Variants in SCAF1 observed in about 807,000 individuals in gnomAD.
SCAF1 encodes the protein SR-related CTD associated factor 1.
A neutral mutation model predicts 91.2 loss-of-function variants in SCAF1; 28 were observed. The observed-to-expected ratio is 0.31, with a 90% CI of 0.23 to 0.42. The LOEUF is 0.42. Ranked by LOEUF, SCAF1 falls within the 10% of genes least tolerant of loss-of-function variation. The pLI is 1.00. For synonymous variants in SCAF1, 1,036 were observed against 833.7 expected (o/e 1.24, Z -4.18); for missense variants, 1,893 against 1,872.1 (o/e 1.01, Z -0.21).
At chr19:49,643,943 G>A (rs912265137) in intron 1 of SCAF1, among the ~76,000 whole-genome samples, 1 of 152,172 alleles carries the variant, frequency 6.6e-6, no homozygotes, top group African/African-American at 2.4e-5. Context: ...CAGGCATGCT[G>A]TGGGGGAAGC....
In SCAF1 at chr19:49,646,396, G is replaced by T; in HGVS notation, c.262-130G>T. Reference sequence around the variant, plus strand: ...GAGTGTTGATGGCAGTCAGGCTATAGGAATTAGATCCTCAGTTTTCTTGGG... The same window carrying T: ...GAGTGTTGATGGCAGTCAGGCTATATGAATTAGATCCTCAGTTTTCTTGGG... On this transcript the variant is annotated intron_variant, in intron 4 of 10. Coordinates refer to ENST00000360565, the MANE Select transcript of SCAF1 (RefSeq NM_021228.3). This position sits in a 1 kb window ranked among gnomAD's most constrained non-coding sequence, Gnocchi z 5.6. 1 of 909,444 alleles carries T rather than the reference G, an allele frequency of 1.1e-6. No homozygotes were observed. The highest frequency in any genetic ancestry group is 1.7e-6 in the Non-Finnish European group (1 of 577,376). The allele number at this position is 909,444 out of a possible 1,614,324, so 56.3% of individuals were successfully genotyped here.
chr19:49,653,497 G>A lies in SCAF1; in HGVS notation c.3108G>A (p.Glu1036=), dbSNP rs1300173572. Residue 1036 remains glutamate (E), a synonymous_variant, in exon 7 of 11, where the codon GAG becomes GAA. Transcript: ENST00000360565. Reference sequence around the variant, plus strand: ...AAGAAGAGGAGGAGGAAGAGGAAGAGGAGGAGGAGCAGCAGCCTGCTACCA... The same window carrying A: ...AAGAAGAGGAGGAGGAAGAGGAAGAAGAGGAGGAGCAGCAGCCTGCTACCA... The part of the protein sequence containing the change: ...EEEEEEEEEE[E]EEEQQPATTT... The A allele has an allele frequency of 6.4e-7, 1 of 1,564,284 alleles. No individual in the cohort carries two copies. Among genetic ancestry groups the A allele is most frequent in the African/African-American group, 1.3e-5 (1 of 74,294 alleles).
rs2081127237 is a variant in SCAF1, at chr19:49,654,671, C to T, written c.3419C>T (p.Pro1140Leu). The T allele has an allele frequency of 1.9e-6, 3 of 1,612,880 alleles. No individual in the cohort carries two copies. The highest frequency in any genetic ancestry group is 1.7e-5 in the Admixed American group (1 of 59,888). The change falls in exon 9 of 11, where the codon CCA becomes CTA. Residue 1140 changes from proline to leucine, a missense_variant. Transcript: ENST00000360565. Reference protein sequence around the residue: ...ATNQILSHRKPPSSLGMTPAP... With the variant: ...ATNQILSHRKLPSSLGMTPAP... ...CCACAGATCCTCAGCCACAGAAAGCCACCCTCAAGTCTGGGGATGACCCCA... is the reference window on the plus strand; with the variant it reads ...CCACAGATCCTCAGCCACAGAAAGCTACCCTCAAGTCTGGGGATGACCCCA...
rs752652864 is a variant in SCAF1 at position 49,652,528 on chromosome 19, C to T, written c.2139C>T (p.Ser713=). Residue 713 remains serine (S), a synonymous_variant, in exon 7 of 11, where the codon TCC becomes TCT. Transcript: ENST00000360565. Reference sequence around the variant, plus strand: ...TCACGGTGGGCCGGCTTGACAAGTCCGACCCCCGAGGACCCTCTCCTGCTC... The same window carrying T: ...TCACGGTGGGCCGGCTTGACAAGTCTGACCCCCGAGGACCCTCTCCTGCTC... The part of the protein sequence containing the change: ...RTITVGRLDK[S]DPRGPSPAPA... 15 of 1,570,850 alleles carry T rather than the reference C, an allele frequency of 9.5e-6. No homozygotes were observed. The Middle Eastern group carries it at 5.1e-4, about 53-fold the overall frequency.
Position 49,658,431 on chromosome 19 carries a change from T to C in SCAF1, c.*32T>C. On this transcript the variant is annotated 3_prime_UTR_variant, in exon 11 of 11. Coordinates refer to ENST00000360565, the MANE Select transcript of SCAF1 (RefSeq NM_021228.3). Reference sequence around the variant, plus strand: ...TGGCCAGCTCTTCGCCCCTCACCTCTTTGAAACTCTGGACGTATTTATGGC... The same window carrying C: ...TGGCCAGCTCTTCGCCCCTCACCTCCTTGAAACTCTGGACGTATTTATGGC... The C allele has an allele frequency of 7.7e-7, 1 of 1,294,962 alleles. No individual in the cohort carries two copies. The highest frequency in any genetic ancestry group is 1.3e-5 in the South Asian group (1 of 76,698). The allele number at this position is 1,294,962 out of a possible 1,614,324, so 80.2% of individuals were successfully genotyped here.
Position 49,654,686 on chromosome 19 carries a change from G to C in SCAF1, c.3434G>C (p.Gly1145Ala), listed in dbSNP as rs2081127360. 1.2e-6 allele frequency: 2 copies of C among 1,613,802 alleles called. No individual in the cohort carries two copies. The highest frequency in any genetic ancestry group is 1.7e-6 in the Non-Finnish European group (2 of 1,179,860). ...LSHRKPPSSL[G>A]MTPAPVPTSL... ...CACAGAAAGCCACCCTCAAGTCTGG[G>C]GATGACCCCAGCTCCTGTGCCCACC... The change falls in exon 9 of 11, where the codon GGG becomes GCG. Residue 1145 changes from glycine (G) to alanine (A), a missense_variant. Coordinates refer to ENST00000360565, the MANE Select transcript of SCAF1 (RefSeq NM_021228.3).
chr19:49,645,196 C>T lies in SCAF1; in HGVS notation c.108+62C>T. On this transcript the variant is annotated intron_variant, in intron 2 of 10. Coordinates refer to ENST00000360565, the MANE Select transcript of SCAF1 (RefSeq NM_021228.3). The surrounding 1 kb of genome is among the most constrained non-coding windows in gnomAD (Gnocchi z 4.6). ...GAGCTGGGCATCCACACTCCAGGGGCCTGACTCCAGGGCCTGAGGCAGGGG... is the reference window on the plus strand; with the variant it reads ...GAGCTGGGCATCCACACTCCAGGGGTCTGACTCCAGGGCCTGAGGCAGGGG... 1 of 1,542,634 alleles carries T rather than the reference C, an allele frequency of 6.5e-7. No individual in the cohort carries two copies. Among genetic ancestry groups the T allele is most frequent in the Non-Finnish European group, 8.9e-7 (1 of 1,117,986 alleles).
chr19:49,650,813 G>A (rs2081080559), intron 6 of SCAF1, 55 bp from the exon 7 acceptor site: 2 of 1,420,770 alleles, frequency 1.4e-6, no homozygotes, highest in East Asian at 2.3e-5. Flanking sequence ...CAGCAAGCAG[G>A]CACCAGGAGG....
rs1329613656 is a variant in SCAF1 at position 49,653,024 on chromosome 19, C to T, written c.2635C>T (p.Pro879Ser). The T allele has an allele frequency of 6.2e-7, 1 of 1,614,000 alleles. No homozygotes were observed. Among genetic ancestry groups the T allele is most frequent in the South Asian group, 1.1e-5 (1 of 91,072 alleles). Residue 879 changes from proline to serine, a missense_variant, in exon 7 of 11, where the codon CCT becomes TCT. This residue lies in a region of SCAF1 where 1,436 missense variants were observed against 1,306.8 expected (regional missense o/e 1.10). Transcript: ENST00000360565. Reference protein sequence around the residue: ...DRESRSPFLKPDERAPTEMAK... With the variant: ...DRESRSPFLKSDERAPTEMAK... ...CGAGAGTCGCTCCCCCTTCCTCAAA[C>T]CTGACGAGCGGGCCCCCACTGAGAT... is the stretch of plus-strand genomic sequence containing the variant.
At chr19:49,643,790 G>A (rs1054921274) in intron 1 of SCAF1, among the ~76,000 whole-genome samples, 10 of 152,216 alleles carry the variant, frequency 6.6e-5, no homozygotes, top group African/African-American at 2.2e-4. Context: ...ATTGGTGAAA[G>A]AGGCTGGGAT....
Position 49,653,645 on chromosome 19 carries a change from C to A in SCAF1, c.3256C>A (p.Pro1086Thr). The A allele has an allele frequency of 6.3e-7, 1 of 1,587,042 alleles. No individual in the cohort carries two copies. The highest frequency in any genetic ancestry group is 2.3e-5 in the East Asian group (1 of 44,076). The change falls in exon 7 of 11, where the codon CCG becomes ACG. Residue 1086 changes from proline (P) to threonine (T), a missense_variant. Pro to Thr is a conservative substitution (Grantham distance 38). This residue lies in a region of SCAF1 where 1,436 missense variants were observed against 1,306.8 expected (regional missense o/e 1.10). Transcript: ENST00000360565. The stretch of plus-strand genomic sequence containing the variant: ...TGTCTCCCAGCTGCCCACGTTGCCC[C>A]CGCCCATGCCCTGGAATCTGCCAGC... ...SRVSQLPTLPPPMPWNLPAGV... is the reference protein window; with the variant it reads ...SRVSQLPTLPTPMPWNLPAGV...
rs1333604740 is a variant in SCAF1, at chr19:49,658,363, C to G, written c.3903C>G (p.Asp1301Glu). Residue 1301 changes from aspartate (D) to glutamate (E), a missense_variant, in exon 11 of 11, where the codon GAC (aspartate) becomes GAG (glutamate). This residue lies in a region of SCAF1 where 51 missense variants were observed against 49.9 expected (regional missense o/e 1.02). Transcript: ENST00000360565. Reference sequence around the variant, plus strand: ...CGCCCAAGGAGCCAGGGCCCCCAGACAAGGGTGGCCCGGGCCTGCCCCTGC... The same window carrying G: ...CGCCCAAGGAGCCAGGGCCCCCAGAGAAGGGTGGCCCGGGCCTGCCCCTGC... ...PRPPKEPGPP[D>E]KGGPGLPLPP... is the part of the protein sequence containing the mutation. The G allele has an allele frequency of 6.4e-7, 1 of 1,559,344 alleles. No homozygotes were observed. The highest frequency in any genetic ancestry group is 2.4e-5 in the East Asian group (1 of 41,524).
chr19:49,657,423 A>C (rs1385235433), intron 9 of SCAF1, among the ~76,000 whole-genome samples: 1 of 152,256 alleles, frequency 6.6e-6, no homozygotes, highest in Non-Finnish European at 1.5e-5. Context: ...GTCTGATTCA[A>C]AACCAGCTGC....
chr19:49,653,285 G>A lies in SCAF1; in HGVS notation c.2896G>A (p.Gly966Arg), dbSNP rs748650448. ...GGGGGCGGAGGAGACTTCCTGGTCC[G>A]GGGAGGAGCGGGCAGCCAAGGTTCC... Reference protein sequence around the residue: ...TKGAEETSWSGEERAAKVPST... With the variant: ...TKGAEETSWSREERAAKVPST... Residue 966 changes from glycine (G) to arginine (R), a missense_variant, in exon 7 of 11, where the codon GGG (glycine) becomes AGG (arginine). Transcript: ENST00000360565. The A allele has an allele frequency of 8.2e-6, 12 of 1,470,790 alleles. No individual in the cohort carries two copies. The highest frequency in any genetic ancestry group is 2.6e-5 in the Admixed American group (1 of 38,440). The allele number at this position is 1,470,790 out of a possible 1,614,324, so 91.1% of individuals were successfully genotyped here. A position where few individuals can be genotyped will look rare whatever the true frequency, so the allele number is the denominator to read the frequency against.
chr19:49,656,668 C>T (rs528889576), intron 9 of SCAF1, among the ~76,000 whole-genome samples: 13 of 152,320 alleles, frequency 8.5e-5, no homozygotes, highest in African/African-American at 2.4e-4. Flanking sequence ...TGGCCACAGG[C>T]GGGAAGAGCC....
chr19:49,656,618 T>G (rs1317798171), intron 9 of SCAF1, among the ~76,000 whole-genome samples: 4 of 152,188 alleles, frequency 2.6e-5, no homozygotes, highest in Non-Finnish European at 5.9e-5. Flanking sequence ...GGGCTGCAGC[T>G]GCTGCCCCGA....
Position 49,658,462 on chromosome 19 carries a change from C to G in SCAF1, c.*63C>G. ...ACTCTGGACGTATTTATGGCTCCAC[C>G]TCCCCACCTCCCTCCCCCGTCAGTG... On this transcript the variant is annotated 3_prime_UTR_variant, in exon 11 of 11. Coordinates refer to ENST00000360565, the MANE Select transcript of SCAF1 (RefSeq NM_021228.3). 2 of 851,730 alleles carry G rather than the reference C, an allele frequency of 2.3e-6. No individual in the cohort carries two copies. The highest frequency in any genetic ancestry group is 3.6e-6 in the Non-Finnish European group (2 of 554,748). 52.8% of individuals were successfully genotyped at this position (851,730 alleles called of 1,614,324 possible).
At chr19:49,641,939 C>A (rs1373989180), upstream of SCAF1, among the ~76,000 whole-genome samples, 2 of 152,244 alleles carry the variant, frequency 1.3e-5, no homozygotes, top group African/African-American at 4.8e-5. Context: ...GGCGTCATCG[C>A]GGGCTACCGC....
In SCAF1 at chr19:49,651,165, G is replaced by C. The variant is rs746542137; in HGVS notation, c.776G>C (p.Ser259Thr). 6.2e-7 allele frequency: 1 copy of C among 1,612,904 alleles called. No individual in the cohort carries two copies. The highest frequency in any genetic ancestry group is 8.5e-7 in the Non-Finnish European group (1 of 1,179,790). Residue 259 changes from serine to threonine, a missense_variant, in exon 7 of 11, where the codon AGC (serine) becomes ACC (threonine). This residue lies in a region of SCAF1 where 80 missense variants were observed against 116.6 expected (regional missense o/e 0.69). Coordinates refer to ENST00000360565, the MANE Select transcript of SCAF1 (RefSeq NM_021228.3). Reference protein sequence around the residue: ...DPFEPTGSNPSSSAGTPSPEE... With the variant: ...DPFEPTGSNPTSSAGTPSPEE... Reference sequence around the variant, plus strand: ...TTTGAGCCCACCGGCTCCAACCCCAGCTCATCAGCGGGGACCCCCTCACCT... The same window carrying C: ...TTTGAGCCCACCGGCTCCAACCCCACCTCATCAGCGGGGACCCCCTCACCT...
Sources: gnomAD v4.1 joint callset for allele counts (sites outside exome capture counted in the v4.1 genomes callset) on GRCh38, gnomAD v4.1.1 for gene constraint, gnomAD v4.1.1 regional missense constraint, Gnocchi (gnomAD v3.1) non-coding constraint, MANE v1.5 for transcripts, NCBI Gene and HGNC (gene_info 2026-07-23, HGNC 2026-07-21) for gene names.